ERCC8: variants seen among roughly 807,000 people sequenced by gnomAD.
ERCC8 encodes DNA excision repair protein ERCC-8.
A neutral mutation model predicts 54.9 loss-of-function variants in ERCC8; 52 were observed. That is an observed-to-expected ratio of 0.95 (90% CI 0.76 to 1.19). ERCC8 has a LOEUF of 1.19. Among genes scored for constraint, ERCC8 ranks in the 50% most tolerant of loss-of-function variants. The pLI is 0.00. For synonymous variants in ERCC8, 146 were observed against 157.2 expected (o/e 0.93, Z 0.53); for missense variants, 514 against 466.1 (o/e 1.10, Z -0.95).
chr5:60,938,875 C>T (rs1333743926), intron 1 of ERCC8, among the ~76,000 whole-genome samples: 4 of 152,254 alleles, frequency 2.6e-5, no homozygotes, highest in East Asian at 1.9e-4. Flanking sequence ...ACCTAATATT[C>T]GTAGTGATGT....
intron 11 of ERCC8, among the ~76,000 whole-genome samples, chr5:60,877,797 TAC>T (rs1435347789): frequency 1.3e-5 from 2 of 152,238 alleles, no homozygotes; most frequent in African/African-American, 2.4e-5. Flanking sequence ...TTTCTAGATA[TAC>T]AGTCATGTCA....
At chr5:60,890,781 G>T in intron 10 of ERCC8, 108 bp downstream of exon 10, 1 of 804,022 alleles carries the variant, frequency 1.2e-6, no homozygotes, top group Non-Finnish European at 2.1e-6. Context: ...CTACAAATGT[G>T]GATTAAAAGC....
intron 8 of ERCC8, 103 bp downstream of exon 8, chr5:60,899,524 G>C (rs1399802489): frequency 1.2e-6 from 1 of 807,444 alleles, no homozygotes; most frequent in African/African-American, 1.7e-5. Context: ...AAATCATAAA[G>C]TTTGCAATTT....
At chr5:60,903,458 T>C (rs1297585391) in intron 6 of ERCC8, 190 bp downstream of exon 6, 9 of 881,914 alleles carry the variant, frequency 1.0e-5, no homozygotes, top group Admixed American at 6.3e-5. Context: ...ATTGTTCATA[T>C]AAATGTGTTT....
Position 60,915,617 on chromosome 5 carries a change from G to A in ERCC8, c.399+2648C>T, listed in dbSNP as rs1433625794. On this transcript the variant is annotated intron_variant, in intron 4 of 11. Coordinates refer to ENST00000676185, the MANE Select transcript of ERCC8 (RefSeq NM_000082.4). ...CTGCATTCCTTTTTGGAGGCTCTAG[G>A]AGAGAATACTTTCTCCATCTTCCAG... Among the ~76,000 whole-genome samples the A allele has an allele frequency of 4.6e-5, 7 of 152,064 alleles. No individual in the cohort carries two copies. In the East Asian group the frequency reaches 1.2e-3, roughly 25 times the overall value.
chr5:60,943,234 G>A (rs1310295854), intron 1 of ERCC8, among the ~76,000 whole-genome samples: 1 of 152,052 alleles, frequency 6.6e-6, no homozygotes, highest in African/African-American at 2.4e-5. Context: ...CTGCACCACT[G>A]CATTCCAGCC....
chr5:60,908,945 CG>C (rs1749162820), intron 4 of ERCC8, among the ~76,000 whole-genome samples: 2 of 151,984 alleles, frequency 1.3e-5, no homozygotes, highest in Admixed American at 6.5e-5. Flanking sequence ...AACAGAAAGG[CG>C]TATCTATATG....
chr5:60,927,504 C>T (rs924154874), intron 2 of ERCC8, among the ~76,000 whole-genome samples: 1 of 152,190 alleles, frequency 6.6e-6, no homozygotes, highest in African/African-American at 2.4e-5. Flanking sequence ...TAAAAGATGC[C>T]TCATCTGCAT....
intron 9 of ERCC8, chr5:60,892,016 C>G: frequency 1.9e-6 from 1 of 526,886 alleles, no homozygotes; most frequent in Non-Finnish European, 3.9e-6. Flanking sequence ...ATTTTATCTG[C>G]ACATTTCTGT....
At position 60,893,492 on chromosome 5, in the gene ERCC8, G is replaced by T. The variant is rs970307063; in HGVS notation, c.844-2406C>A. The T allele has an allele frequency of 7.8e-6, 7 of 902,068 alleles. No homozygotes were observed. In the African/African-American group the frequency reaches 1.1e-4, roughly 15 times the overall value. 55.9% of individuals were successfully genotyped at this position (902,068 alleles called of 1,614,324 possible). On this transcript the variant is annotated intron_variant, in intron 9 of 11. Coordinates refer to ENST00000676185, the MANE Select transcript of ERCC8 (RefSeq NM_000082.4). Reference sequence around the variant, plus strand: ...AGGAGCAGAGGGCACTTTGGAGGTTGCTTTCTTCCCATTTTGTTTTGCAGG... The same window carrying T: ...AGGAGCAGAGGGCACTTTGGAGGTTTCTTTCTTCCCATTTTGTTTTGCAGG...
In ERCC8 at chr5:60,933,938, T is replaced by TAC. The variant is rs70977815; in HGVS notation, c.78-4981_78-4980dup. On this transcript the variant is annotated intron_variant, in intron 1 of 11. Transcript: ENST00000676185. ...TTTATGGCTGAGTAGTATTCCATGATACACACACACACACACACAACCACA... is the reference window on the plus strand; with the variant it reads ...TTTATGGCTGAGTAGTATTCCATGATACACACACACACACACACACAACCACA... Among the ~76,000 whole-genome samples, 1,391 of 151,094 alleles carry TAC rather than the reference T, an allele frequency of 9.2e-3. 18 individuals carry two copies. The highest frequency in any genetic ancestry group is 0.024 in the African/African-American group (978 of 41,272).
At chr5:60,919,076 G>T (rs1749524569) in intron 3 of ERCC8, among the ~76,000 whole-genome samples, 1 of 151,984 alleles carries the variant, frequency 6.6e-6, no homozygotes, top group Admixed American at 6.6e-5. Context: ...GCTTTTAAGA[G>T]AGATTTATGA....
intron 4 of ERCC8, among the ~76,000 whole-genome samples, chr5:60,916,206 AC>A (rs1219369125): frequency 6.6e-6 from 1 of 151,936 alleles, no homozygotes; most frequent in Non-Finnish European, 1.5e-5. Context: ...TGTGATCTTG[AC>A]CCTTTAATTT....
chr5:60,927,556 A>T (rs1416472789), intron 2 of ERCC8, among the ~76,000 whole-genome samples: 1 of 152,174 alleles, frequency 6.6e-6, no homozygotes, highest in Non-Finnish European at 1.5e-5. Flanking sequence ...GTAACTTCCC[A>T]TATTTCTCAC....
chr5:60,897,108 A>T (rs1250241468), intron 9 of ERCC8, among the ~76,000 whole-genome samples: 1 of 152,110 alleles, frequency 6.6e-6, no homozygotes, highest in Admixed American at 6.6e-5. Context: ...TTCTCGCCTC[A>T]GGGTCTTTGT....
At chr5:60,879,437 T>C (rs1252996068) in intron 11 of ERCC8, among the ~76,000 whole-genome samples, 2 of 152,212 alleles carry the variant, frequency 1.3e-5, no homozygotes, top group Admixed American at 6.5e-5. Context: ...TAACTTTCTG[T>C]CTTGTTGATC....
intron 4 of ERCC8, among the ~76,000 whole-genome samples, chr5:60,914,913 T>C (rs1032087124): frequency 1.3e-5 from 2 of 152,030 alleles, no homozygotes; most frequent in Admixed American, 1.3e-4. Flanking sequence ...AGTTGATTTA[T>C]AGATGTTAAA....
chr5:60,917,186 A>G lies in ERCC8; in HGVS notation c.399+1079T>C, dbSNP rs555449459. ...TAAAGCAACAAATCTCATAAGTGGC[A>G]GAATGGAACTAGAACTCTGGCATCT... On this transcript the variant is annotated intron_variant, in intron 4 of 11. Coordinates refer to ENST00000676185, the MANE Select transcript of ERCC8 (RefSeq NM_000082.4). Among the ~76,000 whole-genome samples, 63 of 152,132 alleles carry G rather than the reference A, an allele frequency of 4.1e-4. 1 individual carries two copies. Among genetic ancestry groups the G allele is most frequent in the African/African-American group, 1.5e-3 (63 of 41,494 alleles).
chr5:60,918,921 A>C (rs1287243851), intron 3 of ERCC8, among the ~76,000 whole-genome samples: 1 of 152,014 alleles, frequency 6.6e-6, no homozygotes, highest in Non-Finnish European at 1.5e-5. Flanking sequence ...ATCCATAAAA[A>C]CATAACATGT....
Sources: allele counts gnomAD v4.1 joint callset (sites outside exome capture counted in the v4.1 genomes callset), GRCh38; gene constraint gnomAD v4.1.1; transcripts MANE v1.5; gene names NCBI Gene and HGNC (gene_info 2026-07-23, HGNC 2026-07-21).